NLRP11: variants seen among roughly 807,000 people sequenced by gnomAD.
The protein encoded by NLRP11 is NLR family pyrin domain containing 11.
Under a neutral mutation model 79.3 loss-of-function variants are expected in NLRP11, and 53 were observed. That is an observed-to-expected ratio of 0.67 (90% confidence interval 0.54 to 0.84). The LOEUF (loss-of-function observed/expected upper bound fraction) is 0.84. NLRP11 is among the 40% of genes least tolerant of loss of function. The pLI, the probability that NLRP11 is intolerant of heterozygous loss-of-function variation, is 0.00. For synonymous variants in NLRP11, 518 were observed against 462.6 expected (o/e 1.12, Z -1.54); for missense variants, 1,264 against 1,255.0 (o/e 1.01, Z -0.11).
At chr19:55,810,111 C>T (rs1980456979) in exon 3 of NLRP11, 3 of 1,614,076 alleles carry the variant, frequency 1.9e-6, no homozygotes, top group Admixed American at 1.7e-5. Context: ...CACCTCAACA[C>T]AGCCAGATTT....
chr19:55,800,198 C>A (rs1357104082), intron 5 of NLRP11, among the ~76,000 whole-genome samples: 5 of 152,120 alleles, frequency 3.3e-5, no homozygotes, highest in African/African-American at 1.2e-4. Flanking sequence ...GTGGTATTAT[C>A]CAATATTGAG....
At chr19:55,792,432 G>T in exon 7 of NLRP11, 1 of 1,614,122 alleles carries the variant, frequency 6.2e-7, no homozygotes, top group African/African-American at 1.3e-5. Context: ...CTCTTCCAAG[G>T]GCGCTGCAGC....
intron 4 of NLRP11, among the ~76,000 whole-genome samples, chr19:55,805,817 G>A (rs528664194): frequency 6.6e-5 from 10 of 152,298 alleles, no homozygotes; most frequent in African/African-American, 2.4e-4. Flanking sequence ...TGGGATTACA[G>A]GCATGAGCCA....
chr19:55,810,592 G>A (rs958989777), intron 2 of NLRP11, among the ~76,000 whole-genome samples: 10 of 152,150 alleles, frequency 6.6e-5, no homozygotes, highest in African/African-American at 2.4e-4. Flanking sequence ...CACCTCCCAG[G>A]TTCAAGCGAT....
intron 2 of NLRP11, among the ~76,000 whole-genome samples, chr19:55,812,670 G>A (rs567928766): frequency 2.6e-5 from 4 of 152,218 alleles, no homozygotes; most frequent in South Asian, 4.2e-4. Flanking sequence ...GAGTCATTAC[G>A]AAAAATGATG....
chr19:55,817,836 AAG>A, intron 2 of NLRP11, 66 bp downstream of exon 2: 4 of 1,267,196 alleles, frequency 3.2e-6, no homozygotes, highest in East Asian at 2.4e-5. Flanking sequence ...AAAAAAAAAA[AAG>A]GCCCAACACC....
intron 1 of NLRP11, among the ~76,000 whole-genome samples, chr19:55,823,237 G>T (rs201301368): frequency 0.16 from 18,406 of 117,250 alleles, 968 homozygotes; most frequent in African/African-American, 0.25. Flanking sequence ...AAACAGAAAG[G>T]ACATCCACAC....
chr19:55,788,666 G>T (rs927717954), intron 9 of NLRP11, 141 bp downstream of exon 9: 1 of 601,730 alleles, frequency 1.7e-6, no homozygotes, highest in Non-Finnish European at 2.8e-6. Context: ...CTTGAAGCTG[G>T]GAGGCTGATG....
chr19:55,796,992 C>G (rs944096948), intron 5 of NLRP11, among the ~76,000 whole-genome samples: 8 of 152,052 alleles, frequency 5.3e-5, no homozygotes, highest in Non-Finnish European at 1.0e-4. Flanking sequence ...TCCGGTCTAA[C>G]TTTCTATTCA....
In NLRP11 at chr19:55,805,400, C is replaced by T. The variant is rs535048383; in HGVS notation, c.2003+2453G>A. ...TTACTTCCCAGCCTATGTGGCGACTCGGTGGGAGACTGGATGTTTTCCATG... is the reference window on the plus strand; with the variant it reads ...TTACTTCCCAGCCTATGTGGCGACTTGGTGGGAGACTGGATGTTTTCCATG... On this transcript the variant is annotated intron_variant, in intron 4 of 9. Coordinates refer to ENST00000589093, the Ensembl canonical transcript of NLRP11. 5.3e-5 allele frequency among the ~76,000 whole-genome samples: 8 copies of T among 151,970 alleles called. No individual in the cohort carries two copies. In the East Asian group the frequency reaches 1.4e-3, roughly 26 times the overall value.
chr19:55,793,201 C>A (rs952941357), intron 6 of NLRP11, among the ~76,000 whole-genome samples: 1 of 152,010 alleles, frequency 6.6e-6, no homozygotes, highest in Non-Finnish European at 1.5e-5. Context: ...TTTTTTAACC[C>A]GTTTTCTGTT....
intron 4 of NLRP11, among the ~76,000 whole-genome samples, chr19:55,806,208 G>A (rs1979974333): frequency 6.6e-6 from 1 of 152,150 alleles, no homozygotes; most frequent in Admixed American, 6.5e-5. Flanking sequence ...GGTGAACTCA[G>A]TCCTTGGCTT....
chr19:55,802,476 A>C (rs1373033633), intron 4 of NLRP11, among the ~76,000 whole-genome samples: 1 of 152,194 alleles, frequency 6.6e-6, no homozygotes, highest in Non-Finnish European at 1.5e-5. Context: ...TGAAAGATCA[A>C]AAGGAGAATT....
upstream of NLRP11, chr19:55,832,689 G>C (rs2122959296): frequency 6.6e-6 from 1 of 152,332 alleles, no homozygotes; most frequent in Middle Eastern, 3.4e-3. Context: ...ATATAAAAGA[G>C]TCTATATCTA....
At chr19:55,814,080 G>A (rs190457713) in intron 2 of NLRP11, among the ~76,000 whole-genome samples, 425 of 152,198 alleles carry the variant, frequency 2.8e-3, no homozygotes, top group Non-Finnish European at 3.4e-3. Context: ...ATTTACAGCC[G>A]CTCCCCATCG....
At chr19:55,796,782 GTT>G (rs1056737931) in intron 5 of NLRP11, among the ~76,000 whole-genome samples, 6 of 151,940 alleles carry the variant, frequency 3.9e-5, no homozygotes, top group East Asian at 1.9e-4. Flanking sequence ...TGCCTCCCGG[GTT>G]TTTAAGCGAT....
At chr19:55,817,820 GAAAAAA>G in intron 2 of NLRP11, 78 bp downstream of exon 2, 3 of 835,504 alleles carry the variant, frequency 3.6e-6, no homozygotes, top group South Asian at 1.9e-5. Flanking sequence ...AACCTATTTA[GAAAAAA>G]AAAAAAAAAA....
chr19:55,818,617 A>T (rs530008723), intron 1 of NLRP11, among the ~76,000 whole-genome samples: 2 of 152,330 alleles, frequency 1.3e-5, no homozygotes, highest in African/African-American at 4.8e-5. Flanking sequence ...ATGCTGTTGT[A>T]TATGAAACTC....
exon 2 of NLRP11, chr19:55,817,997 A>G: frequency 6.2e-7 from 1 of 1,613,642 alleles, no homozygotes; most frequent in Non-Finnish European, 8.5e-7. Flanking sequence ...TGTCCCTCAT[A>G]AGAGATTGGC....
Sources: gnomAD v4.1 joint callset for allele counts (sites outside exome capture counted in the v4.1 genomes callset) on GRCh38, gnomAD v4.1.1 for gene constraint, MANE v1.5 for transcripts, NCBI Gene and HGNC (gene_info 2026-07-23, HGNC 2026-07-21) for gene names.